The following TTBK1 variants were observed in gnomAD, a reference collection of about 807,000 sequenced individuals.
TTBK1 encodes tau tubulin kinase 1, also known as tau-tubulin kinase 1.
In TTBK1, 34 loss-of-function variants were observed where a neutral mutation model predicts 108.5. The ratio of observed to expected loss-of-function variants is 0.31; its 90% confidence interval spans 0.24 to 0.42. The LOEUF (loss-of-function observed/expected upper bound fraction) is 0.42. Among genes scored for constraint, TTBK1 ranks in the 10% least tolerant of loss-of-function variants. The probability of loss-of-function intolerance (pLI) is 1.00; values close to 1 mark genes in which losing one functional copy is unlikely to be tolerated. For synonymous variants in TTBK1, 809 were observed against 795.1 expected, an observed-to-expected ratio of 1.02 and a Z score of -0.29; for missense variants, 1,539 against 1,826.0, an observed-to-expected ratio of 0.84 and a Z score of 2.86.
At position 43,257,617 on chromosome 6, in the gene TTBK1, T is replaced by C. The variant is rs898963251; in HGVS notation, c.862-195T>C. The stretch of plus-strand genomic sequence containing the variant: ...GTGGGGCTTAATCCAAGATGATAAT[T>C]TGCATGTTGATTTGCATATCATGTG... On this transcript the variant is annotated intron_variant, in intron 9 of 14. Transcript: ENST00000259750. This position sits in a 1 kb window ranked among gnomAD's most constrained non-coding sequence, Gnocchi z 4.5. Among the ~76,000 whole-genome samples the C allele has an allele frequency of 6.6e-6, 1 of 152,104 alleles. No homozygotes were observed. The highest frequency in any genetic ancestry group is 2.4e-5 in the African/African-American group (1 of 41,402).
intron 12 of TTBK1, among the ~76,000 whole-genome samples, chr6:43,260,005 G>T (rs571856913): frequency 6.6e-6 from 1 of 152,308 alleles, no homozygotes; most frequent in South Asian, 2.1e-4. Flanking sequence ...GTTGGTTGGT[G>T]GGTGTGTGTG....
intron 13 of TTBK1, among the ~76,000 whole-genome samples, chr6:43,280,136 C>G (rs1778117034): frequency 6.6e-6 from 1 of 150,398 alleles, no homozygotes; most frequent in African/African-American, 2.4e-5. Context: ...CCCACCAAAT[C>G]CTCACTGATG....
At chr6:43,270,685 G>A (rs1033801092) in intron 13 of TTBK1, 1 of 985,412 alleles carries the variant, frequency 1.0e-6, no homozygotes, top group Non-Finnish European at 1.2e-6. Context: ...GTAGGATTGG[G>A]TGTCTGTCCT....
chr6:43,252,903 G>A lies in TTBK1; in HGVS notation c.256+17G>A. ...AGTTGCAAGGTTCGGGCCTCGGGCA[G>A]GGGGATGGGAAGGAAGAGATGATGA... On this transcript the variant is annotated intron_variant, in intron 3 of 14. Coordinates refer to ENST00000259750, the MANE Select transcript of TTBK1 (RefSeq NM_032538.3). The A allele has an allele frequency of 6.2e-7, 1 of 1,612,320 alleles. No homozygotes were observed. Among genetic ancestry groups the A allele is most frequent in the Non-Finnish European group, 8.5e-7 (1 of 1,179,680 alleles).
At position 43,285,216 on chromosome 6, in the gene TTBK1, G is replaced by C. The variant is rs1198774344; in HGVS notation, c.3806G>C (p.Gly1269Ala). ...TCCCCCTCGCACCAGGCCCGGCCCG[G>C]GGTCCCCCCGCCCCGGGGCGTCCCG... ...SPSPSHQARP[G>A]VPPPRGVPPA... Residue 1269 changes from glycine to alanine, a missense_variant, in exon 15 of 15, where the codon GGG (glycine) becomes GCG (alanine). By Grantham distance (60) the Gly-to-Ala change is moderately conservative. Coordinates refer to ENST00000259750, the MANE Select transcript of TTBK1 (RefSeq NM_032538.3). The surrounding 1 kb of genome is among the most constrained non-coding windows in gnomAD (Gnocchi z 4.7). 14 of 1,315,154 alleles carry C rather than the reference G, an allele frequency of 1.1e-5. No individual in the cohort carries two copies. The East Asian group carries it at 3.4e-4, about 32-fold the overall frequency. 81.5% of individuals were successfully genotyped at this position (1,315,154 alleles called of 1,614,324 possible).
chr6:43,257,867 A>G lies in TTBK1; in HGVS notation c.917A>G (p.Glu306Gly). ...SMKERGIAEN[E>G]AFDWEKAGTD... ...AAGGAGAGGGGCATTGCCGAGAATG[A>G]GGCCTTTGACTGGGAGAAGGCAGGC... The change falls in exon 10 of 15, where the codon GAG becomes GGG. Residue 306 changes from glutamate to glycine, a missense_variant. By Grantham distance (98) the Glu-to-Gly change is moderately conservative. Around this residue, in one of 5 missense-constraint regions of TTBK1, gnomAD observed 277 missense variants for 332.4 expected, o/e 0.83. Transcript: ENST00000259750. This position sits in a 1 kb window ranked among gnomAD's most constrained non-coding sequence, Gnocchi z 4.5. 2 of 1,613,954 alleles carry G rather than the reference A, an allele frequency of 1.2e-6. No homozygotes were observed. The highest frequency in any genetic ancestry group is 1.7e-6 in the Non-Finnish European group (2 of 1,179,976).
chr6:43,270,042 A>G, intron 13 of TTBK1: 1 of 1,421,030 alleles, frequency 7.0e-7, no homozygotes, highest in East Asian at 2.6e-5. Context: ...CAATAATCAC[A>G]CACTCACACA....
chr6:43,261,357 C>T (rs1423901039), intron 12 of TTBK1, among the ~76,000 whole-genome samples: 1 of 152,164 alleles, frequency 6.6e-6, no homozygotes, highest in African/African-American at 2.4e-5. Context: ...GGCCTCCGTG[C>T]TGGCTCTCAG....
rs1174313169 is a variant in TTBK1 at position 43,269,714 on chromosome 6, G to A, written c.1986+6364G>A. On this transcript the variant is annotated intron_variant, in intron 13 of 14. Transcript: ENST00000259750. The surrounding 1 kb of genome is among the most constrained non-coding windows in gnomAD (Gnocchi z 4.8). ...CCCTGCGACGACTGGCGTCCTCCGT[G>A]TTCTCCTCCTCCACGCTGGAGACGG... 6.2e-7 allele frequency: 1 copy of A among 1,610,450 alleles called. No homozygotes were observed.
rs530801836 is a variant in TTBK1 at position 43,257,215 on chromosome 6, G to C, written c.862-597G>C. The stretch of plus-strand genomic sequence containing the variant: ...CCTGAACCCAGGGCCTGGCAGAGAC[G>C]CCCCCTGATCTTGGCTTAGCCTCAT... On this transcript the variant is annotated intron_variant, in intron 9 of 14. Transcript: ENST00000259750. The surrounding 1 kb of genome is among the most constrained non-coding windows in gnomAD (Gnocchi z 4.5). Among the ~76,000 whole-genome samples the C allele has an allele frequency of 6.6e-6, 1 of 152,214 alleles. No homozygotes were observed. Among genetic ancestry groups the C allele is most frequent in the Non-Finnish European group, 1.5e-5 (1 of 68,036 alleles).
intron 13 of TTBK1, chr6:43,271,256 G>T: frequency 1.0e-6 from 1 of 985,522 alleles, no homozygotes; most frequent in Non-Finnish European, 1.2e-6. Flanking sequence ...GTTTGCTTGT[G>T]TGCATGCGCG....
rs367608830 is a variant in TTBK1 at position 43,259,673 on chromosome 6, C to T, written c.1391C>T (p.Thr464Met). 3.9e-5 allele frequency: 62 copies of T among 1,602,970 alleles called. 1 individual carries two copies. The Middle Eastern group carries it at 5.0e-4, about 13-fold the overall frequency. ...AGCCCTGAGTCAGAAAGGCTGTCCA[C>T]GGCGGACGGGCGAGTGGAGCTACCT... is the stretch of plus-strand genomic sequence containing the variant. ...VNSPESERLS[T>M]ADGRVELPER... Residue 464 changes from threonine (T) to methionine (M), a missense_variant, in exon 12 of 15, where the codon ACG becomes ATG. By Grantham distance (81) the Thr-to-Met change is moderately conservative. Transcript: ENST00000259750. This position sits in a 1 kb window ranked among gnomAD's most constrained non-coding sequence, Gnocchi z 6.7.
At chr6:43,275,174 G>A (rs1777934943) in intron 13 of TTBK1, among the ~76,000 whole-genome samples, 1 of 152,116 alleles carries the variant, frequency 6.6e-6, no homozygotes, top group African/African-American at 2.4e-5. Context: ...CTGCGCAGCC[G>A]GACCCCCGCA....
chr6:43,285,562 C>A lies in TTBK1; in HGVS notation c.*186C>A, dbSNP rs1778355157. ...CGGCGCCCCGCCAGGCCTTAGGGCC[C>A]GTGGGGGACGCGGCCCCGCGCCGCG... On this transcript the variant is annotated 3_prime_UTR_variant, in exon 15 of 15. Coordinates refer to ENST00000259750, the MANE Select transcript of TTBK1 (RefSeq NM_032538.3). This position sits in a 1 kb window ranked among gnomAD's most constrained non-coding sequence, Gnocchi z 4.7. 7 of 700,688 alleles carry A rather than the reference C, an allele frequency of 1.0e-5. No individual in the cohort carries two copies. The highest frequency in any genetic ancestry group is 7.4e-5 in the South Asian group (1 of 13,532). 43.4% of individuals were successfully genotyped at this position (700,688 alleles called of 1,614,324 possible). A position where few individuals can be genotyped will look rare whatever the true frequency, so the allele number is the denominator to read the frequency against.
chr6:43,245,310 C>T (rs1310294620), intron 1 of TTBK1, among the ~76,000 whole-genome samples: 2 of 152,158 alleles, frequency 1.3e-5, no homozygotes, highest in Non-Finnish European at 2.9e-5. Context: ...TGTGACTCTC[C>T]AGGGTCGTTG....
rs1778357535 is a variant in TTBK1 at position 43,285,608 on chromosome 6, C to T, written c.*232C>T. 5.2e-6 allele frequency: 2 copies of T among 387,652 alleles called. No individual in the cohort carries two copies. Among genetic ancestry groups the T allele is most frequent in the Non-Finnish European group, 8.5e-6 (2 of 234,790 alleles). 24.0% of individuals were successfully genotyped at this position (387,652 alleles called of 1,614,324 possible). On this transcript the variant is annotated 3_prime_UTR_variant, in exon 15 of 15. Coordinates refer to ENST00000259750, the MANE Select transcript of TTBK1 (RefSeq NM_032538.3). This position sits in a 1 kb window ranked among gnomAD's most constrained non-coding sequence, Gnocchi z 4.7. ...CCGCGGGGAGGGTCTGCCTCCCCTT[C>T]CTCGCCCTGTGTCCTCTCATCCTCC...
At chr6:43,278,680 C>T (rs1029141142) in intron 13 of TTBK1, among the ~76,000 whole-genome samples, 6 of 152,192 alleles carry the variant, frequency 3.9e-5, no homozygotes, top group Admixed American at 1.3e-4. Flanking sequence ...CGCACACTGA[C>T]GGTGTCTGTG....
chr6:43,254,434 G>A, intron 5 of TTBK1, 113 bp from the exon 6 acceptor site: 1 of 689,278 alleles, frequency 1.5e-6, no homozygotes, highest in South Asian at 2.2e-5. Context: ...TTGCGGGCGA[G>A]TGAATGTGGG....
chr6:43,259,194 C>T lies in TTBK1; in HGVS notation c.1173C>T (p.His391=), dbSNP rs1215960550. Residue 391 remains histidine (H), a synonymous_variant, in exon 11 of 15, where the codon CAC becomes CAT. Transcript: ENST00000259750. This position sits in a 1 kb window ranked among gnomAD's most constrained non-coding sequence, Gnocchi z 6.7. ...GCCCCAGTCCCCACCTTGTCCCCCACCCCGGGGGTCCTGAGGCTGAAGTCT... is the reference window on the plus strand; with the variant it reads ...GCCCCAGTCCCCACCTTGTCCCCCATCCCGGGGGTCCTGAGGCTGAAGTCT... ...GLGPSPHLVP[H]PGGPEAEVWE... is the part of the protein sequence containing the mutation. 6 of 1,604,362 alleles carry T rather than the reference C, an allele frequency of 3.7e-6. 1 individual carries two copies. The South Asian group carries it at 6.7e-5, about 18-fold the overall frequency.
Sources: gnomAD v4.1 joint callset for allele counts (sites outside exome capture counted in the v4.1 genomes callset) on GRCh38, gnomAD v4.1.1 for gene constraint, gnomAD v4.1.1 regional missense constraint, Gnocchi (gnomAD v3.1) non-coding constraint, MANE v1.5 for transcripts, NCBI Gene and HGNC (gene_info 2026-07-23, HGNC 2026-07-21) for gene names.